Variants in FGF14 observed in about 807,000 individuals in gnomAD.
The protein encoded by FGF14 is fibroblast growth factor homologous factor 4.
In FGF14, 5 loss-of-function variants were observed where a neutral mutation model predicts 25.5. The ratio of observed to expected loss-of-function variants is 0.20; its 90% CI spans 0.10 to 0.41. The LOEUF is 0.41. Ranked by LOEUF, FGF14 falls within the 10% of genes least tolerant of loss-of-function variation. FGF14 has a pLI of 1.00. For missense variants in FGF14, 222 were observed against 320.1 expected (o/e 0.69, Z 2.34); for synonymous variants, 138 against 118.3 (o/e 1.17, Z -1.08).
chr13:102,350,682 C>A (rs1424169571), intron 1 of FGF14, among the ~76,000 whole-genome samples: 1 of 152,092 alleles, frequency 6.6e-6, no homozygotes, highest in Non-Finnish European at 1.5e-5. Context: ...ACCAGTCAGC[C>A]GACAAGCACT....
At chr13:101,782,633 T>C (rs2039575462) in intron 3 of FGF14, among the ~76,000 whole-genome samples, 1 of 152,226 alleles carries the variant, frequency 6.6e-6, no homozygotes, top group Non-Finnish European at 1.5e-5. Flanking sequence ...AGTGAGAACA[T>C]GTGGTATTTG....
chr13:101,797,235 T>A (rs371700862), intron 3 of FGF14, among the ~76,000 whole-genome samples: 18 of 152,244 alleles, frequency 1.2e-4, no homozygotes, highest in Admixed American at 4.6e-4. Flanking sequence ...ATGCTTCTGG[T>A]TTTTCCTTCT....
At chr13:101,765,675 C>T (rs534271294) in intron 3 of FGF14, among the ~76,000 whole-genome samples, 38 of 151,894 alleles carry the variant, frequency 2.5e-4, no homozygotes, top group Non-Finnish European at 5.0e-4. Flanking sequence ...GAAACAAATC[C>T]TCTGTGCATA....
At chr13:102,164,741 G>C (rs753916576) in intron 1 of FGF14, among the ~76,000 whole-genome samples, 2 of 152,184 alleles carry the variant, frequency 1.3e-5, no homozygotes, top group Non-Finnish European at 2.9e-5. Context: ...GTGTTCACCA[G>C]CTGTGTACAG....
At chr13:101,965,773 G>C (rs1367561033) in intron 1 of FGF14, among the ~76,000 whole-genome samples, 1 of 150,850 alleles carries the variant, frequency 6.6e-6, no homozygotes, top group East Asian at 1.9e-4. Flanking sequence ...AGAGAAAAAA[G>C]AATACTGAAA....
At chr13:101,801,684 G>T (rs1350091604) in intron 3 of FGF14, among the ~76,000 whole-genome samples, 9 of 152,314 alleles carry the variant, frequency 5.9e-5, no homozygotes, top group Admixed American at 3.3e-4. Context: ...ACAAGCTCCA[G>T]CAAGAACTGA....
At chr13:101,848,544 T>C (rs998687485) in intron 3 of FGF14, among the ~76,000 whole-genome samples, 2 of 152,206 alleles carry the variant, frequency 1.3e-5, no homozygotes, top group East Asian at 1.9e-4. Context: ...AGATTTGTTA[T>C]ATGTTTTAGA....
intron 1 of FGF14, among the ~76,000 whole-genome samples, chr13:102,007,033 C>T (rs901824915): frequency 3.3e-5 from 5 of 152,036 alleles, no homozygotes; most frequent in South Asian, 2.1e-4. Flanking sequence ...CGTGAGCCAC[C>T]GCGCCCGGCC....
At chr13:101,985,143 G>T (rs1358168869) in intron 1 of FGF14, among the ~76,000 whole-genome samples, 2 of 148,686 alleles carry the variant, frequency 1.3e-5, no homozygotes, top group Admixed American at 1.3e-4. Flanking sequence ...TCAGAAAACA[G>T]TTTTTCTACT....
chr13:102,300,961 A>T (rs1161613547), intron 1 of FGF14, among the ~76,000 whole-genome samples: 1 of 147,182 alleles, frequency 6.8e-6, no homozygotes, highest in Non-Finnish European at 1.5e-5. Context: ...ACACACACAC[A>T]CACGTTTAAC....
chr13:101,755,541 G>T (rs1196452101), intron 3 of FGF14, among the ~76,000 whole-genome samples: 2 of 151,876 alleles, frequency 1.3e-5, no homozygotes, highest in African/African-American at 4.9e-5. Flanking sequence ...AAAAGAGTTG[G>T]CTAAAAATAA....
At chr13:101,976,704 A>T (rs973825807) in intron 1 of FGF14, among the ~76,000 whole-genome samples, 5 of 152,200 alleles carry the variant, frequency 3.3e-5, no homozygotes, top group African/African-American at 9.7e-5. Context: ...CTGATTTTTC[A>T]TTCAGTACTT....
chr13:102,189,470 AAAG>A (rs2049040159), intron 1 of FGF14, among the ~76,000 whole-genome samples: 3 of 152,188 alleles, frequency 2.0e-5, no homozygotes, highest in African/African-American at 4.8e-5. Flanking sequence ...TTGATATGAA[AAAG>A]AAGAACTAAA....
chr13:102,063,485 G>A (rs887514969), intron 1 of FGF14, among the ~76,000 whole-genome samples: 3 of 151,944 alleles, frequency 2.0e-5, no homozygotes, highest in Admixed American at 2.0e-4. Flanking sequence ...GCGTAGTGGT[G>A]CACACCTGTA....
chr13:102,020,023 G>A (rs1438317392), intron 1 of FGF14, among the ~76,000 whole-genome samples: 2 of 152,040 alleles, frequency 1.3e-5, no homozygotes, highest in Non-Finnish European at 2.9e-5. Context: ...AACATATTTA[G>A]GAAAAACATA....
At chr13:102,001,432 A>G (rs1309033259) in intron 1 of FGF14, among the ~76,000 whole-genome samples, 1 of 152,150 alleles carries the variant, frequency 6.6e-6, no homozygotes, top group Non-Finnish European at 1.5e-5. Flanking sequence ...ATGTACTTTC[A>G]CACCTGGGTG....
intron 1 of FGF14, among the ~76,000 whole-genome samples, chr13:102,123,202 T>C (rs1399875537): frequency 6.6e-6 from 1 of 152,070 alleles, no homozygotes; most frequent in Non-Finnish European, 1.5e-5. Context: ...ACTTGGAGGT[T>C]ATCAAATCAA....
intron 1 of FGF14, among the ~76,000 whole-genome samples, chr13:102,015,477 C>T (rs937113984): frequency 6.6e-6 from 1 of 152,104 alleles, no homozygotes; most frequent in Admixed American, 6.6e-5. Context: ...ATCAATTATA[C>T]ATTAATTTTT....
chr13:102,161,574 A>AAGAAGGAAGAAGAAGG, intron 1 of FGF14, among the ~76,000 whole-genome samples: 1 of 5,312 alleles, frequency 1.9e-4, no homozygotes, highest in Non-Finnish European at 3.3e-4. Flanking sequence ...GTGAAGAAAG[A>AAGAAGGAAGAAGAAGG]AAGAAGAAGA....
Sources: gnomAD v4.1 joint callset for allele counts (sites outside exome capture counted in the v4.1 genomes callset) on GRCh38, gnomAD v4.1.1 for gene constraint, MANE v1.5 for transcripts, NCBI Gene and HGNC (gene_info 2026-07-23, HGNC 2026-07-21) for gene names.